MOK: variants seen among roughly 807,000 people sequenced by gnomAD.
The protein encoded by MOK is MOK protein kinase, also known as MAPK/MAK/MRK overlapping kinase.
MOK carries 59 observed loss-of-function variants against 54.2 expected under a neutral mutation model. The observed-to-expected ratio is 1.09, with a 90% CI of 0.88 to 1.35. The LOEUF is 1.35. Among genes scored for constraint, MOK ranks in the 40% most tolerant of loss-of-function variants. The pLI, the probability that MOK is intolerant of heterozygous loss-of-function variation, is 0.00. For synonymous variants in MOK, 210 were observed against 202.7 expected, an observed-to-expected ratio of 1.04 and a Z score of -0.31; for missense variants, 517 against 526.2, an observed-to-expected ratio of 0.98 and a Z score of 0.17.
chr14:102,297,405 C>T (rs1271985369), intron 1 of MOK, among the ~76,000 whole-genome samples: 1 of 152,128 alleles, frequency 6.6e-6, no homozygotes, highest in Non-Finnish European at 1.5e-5. Flanking sequence ...AAAATAAAAA[C>T]AAAAATTGAT....
intron 7 of MOK, among the ~76,000 whole-genome samples, chr14:102,250,262 CT>C (rs965669295): frequency 3.9e-5 from 6 of 152,176 alleles, no homozygotes. Flanking sequence ...CTCTCCACCC[CT>C]GTGCGCGTCT....
chr14:102,278,744 A>G (rs1160072553), intron 2 of MOK: 2 of 456,168 alleles, frequency 4.4e-6, no homozygotes, highest in Non-Finnish European at 4.4e-6. Flanking sequence ...GTGAGGATTC[A>G]ATGACACATG....
chr14:102,234,197 A>G, intron 7 of MOK: 1 of 195,086 alleles, frequency 5.1e-6, no homozygotes. Context: ...GGGAAGGGGG[A>G]TAGACTCTGG....
the MOK span, among the ~76,000 whole-genome samples, chr14:102,217,650 T>G: frequency 6.6e-6 from 1 of 152,156 alleles, no homozygotes; most frequent in Non-Finnish European, 1.5e-5. Context: ...GTGCCGCTTG[T>G]GTGATGTAGA....
intron 1 of MOK, 100 bp downstream of exon 1, chr14:102,304,862 C>A: frequency 7.3e-7 from 1 of 1,378,780 alleles, no homozygotes. Context: ...GGCGACGACG[C>A]CCGGCCCCAC....
chr14:102,244,224 A>C (rs1170429732), intron 7 of MOK, among the ~76,000 whole-genome samples: 3 of 152,226 alleles, frequency 2.0e-5, no homozygotes. Flanking sequence ...TAGCTAAAGA[A>C]GCAGCTAGCA....
chr14:102,265,845 G>C lies in MOK; in HGVS notation c.190C>G (p.Leu64Val). 6.2e-7 allele frequency: 1 copy of C among 1,613,938 alleles called. No homozygotes were observed. Among genetic ancestry groups the C allele is most frequent in the Non-Finnish European group, 8.5e-7 (1 of 1,179,854 alleles). The stretch of plus-strand genomic sequence containing the variant: ...TACAAAACCACTTCATGCAACATAA[G>C]AATGTTTGGGTGCGGATTCAGGCGC... The part of the protein sequence containing the change: ...LRRLNPHPNI[L>V]MLHEVVFDRK... The change falls in exon 3 of 12, where the codon CTT (leucine) becomes GTT (valine). Residue 64 changes from leucine (L) to valine (V), a missense_variant. Physicochemically the swap from Leu to Val is conservative, Grantham distance 32. Transcript: ENST00000361847.
downstream of MOK, among the ~76,000 whole-genome samples, chr14:102,221,189 CTG>C (rs1460181642): frequency 3.3e-5 from 5 of 152,236 alleles, no homozygotes; most frequent in African/African-American, 1.2e-4. This position sits in a 1 kb window ranked among gnomAD's most constrained non-coding sequence, Gnocchi z 4.8. Context: ...GAGGGAGACT[CTG>C]TGGCTGCCAG....
intron 10 of MOK, 119 bp from the exon 11 acceptor site, chr14:102,229,776 T>C: frequency 1.1e-6 from 1 of 936,408 alleles, no homozygotes; most frequent in Non-Finnish European, 1.6e-6. Context: ...GACCATAAGA[T>C]GTGACTGGGA....
chr14:102,274,605 C>G (rs1055850164), intron 2 of MOK, among the ~76,000 whole-genome samples: 2 of 150,148 alleles, frequency 1.3e-5, no homozygotes, highest in Non-Finnish European at 3.0e-5. Flanking sequence ...AGAATCCTCA[C>G]AGAAAAAAAA....
intron 7 of MOK, among the ~76,000 whole-genome samples, chr14:102,250,164 G>A (rs149321606): frequency 1.3e-5 from 2 of 152,260 alleles, no homozygotes; most frequent in African/African-American, 2.4e-5. Flanking sequence ...TTGAGCAGGC[G>A]GGACCAGACT....
At chr14:102,224,615 G>T (rs769829937), downstream of MOK, 3 of 455,954 alleles carry the variant, frequency 6.6e-6, no homozygotes, top group South Asian at 4.6e-5. Context: ...TTGAGGGGAG[G>T]TATGCTACAT....
Position 102,283,604 on chromosome 14 carries a change from A to G in MOK, c.8-12T>C. The G allele has an allele frequency of 6.5e-7, 1 of 1,530,538 alleles. No individual in the cohort carries two copies. The highest frequency in any genetic ancestry group is 2.3e-5 in the East Asian group (1 of 44,432). 94.8% of individuals were successfully genotyped at this position (1,530,538 alleles called of 1,614,324 possible). A position where few individuals can be genotyped will look rare whatever the true frequency, so the allele number is the denominator to read the frequency against. ...AATTGCTTTATAGTCTATAAATAAA[A>G]ATGATTACAAAAATAAAATGTTATT... On this transcript the variant is annotated splice_polypyrimidine_tract_variant and intron_variant, in intron 1 of 11. Coordinates refer to ENST00000361847, the MANE Select transcript of MOK (RefSeq NM_014226.3).
At position 102,283,551 on chromosome 14, in the gene MOK, C is replaced by T. The variant is rs1275748654; in HGVS notation, c.49G>A (p.Glu17Lys). The T allele has an allele frequency of 1.9e-6, 3 of 1,613,612 alleles. No homozygotes were observed. The highest frequency in any genetic ancestry group is 2.5e-6 in the Non-Finnish European group (3 of 1,179,788). ...IGKIGEGTFS[E>K]VMKMQSLRDG... ...CTCAGGCTTTGCATCTTCATAACTT[C>T]AGAAAACGTTCCCTCTCCTATTTTG... Residue 17 changes from glutamate (E) to lysine (K), a missense_variant, in exon 2 of 12, where the codon GAA becomes AAA. Physicochemically the swap from Glu to Lys is moderately conservative, Grantham distance 56. Coordinates refer to ENST00000361847, the MANE Select transcript of MOK (RefSeq NM_014226.3).
At chr14:102,256,346 C>T (rs918918896) in intron 4 of MOK, among the ~76,000 whole-genome samples, 1 of 151,762 alleles carries the variant, frequency 6.6e-6, no homozygotes, top group Admixed American at 6.6e-5. Flanking sequence ...AGGCGGATCA[C>T]GAGGTCAGGA....
downstream of MOK, among the ~76,000 whole-genome samples, chr14:102,222,407 C>T (rs565031769): frequency 1.3e-5 from 2 of 152,344 alleles, no homozygotes; most frequent in African/African-American, 4.8e-5. The surrounding 1 kb of genome is among the most constrained non-coding windows in gnomAD (Gnocchi z 4.4). Context: ...GGAGACAACC[C>T]CTGGCTCCGA....
chr14:102,293,717 A>G (rs982420451), intron 1 of MOK, among the ~76,000 whole-genome samples: 22 of 150,460 alleles, frequency 1.5e-4, no homozygotes, highest in African/African-American at 4.9e-4. Context: ...AAAAAAAAAA[A>G]AAAAAAAAAG....
intron 2 of MOK, among the ~76,000 whole-genome samples, chr14:102,281,030 A>G (rs1318882167): frequency 6.6e-6 from 1 of 152,170 alleles, no homozygotes; most frequent in Non-Finnish European, 1.5e-5. Context: ...CTCTACAAAA[A>G]TACAAAAATT....
intron 4 of MOK, among the ~76,000 whole-genome samples, chr14:102,256,507 G>C (rs1389029742): frequency 6.6e-6 from 1 of 151,754 alleles, no homozygotes; most frequent in Non-Finnish European, 1.5e-5. Context: ...CCGGGAGGCG[G>C]AGCTTGCAGT....
Sources: gnomAD v4.1 joint callset for allele counts (sites outside exome capture counted in the v4.1 genomes callset) on GRCh38, gnomAD v4.1.1 for gene constraint, Gnocchi (gnomAD v3.1) non-coding constraint, MANE v1.5 for transcripts, NCBI Gene and HGNC (gene_info 2026-07-23, HGNC 2026-07-21) for gene names.